Variants in OLA1 observed in about 807,000 individuals in gnomAD.
OLA1 encodes the protein obg-like ATPase 1.
A neutral mutation model predicts 48.4 loss-of-function variants in OLA1; 14 were observed. The observed-to-expected ratio is 0.29, with a 90% CI of 0.19 to 0.45. The LOEUF is 0.45. Ranked by LOEUF, OLA1 falls within the 20% of genes least tolerant of loss-of-function variation. OLA1 has a pLI of 1.00. For synonymous variants in OLA1, 127 were observed against 150.4 expected (o/e 0.84, Z 1.14); for missense variants, 325 against 467.1 (o/e 0.70, Z 2.80).
intron 4 of OLA1, among the ~76,000 whole-genome samples, chr2:174,222,683 T>C (rs1321922284): frequency 6.6e-6 from 1 of 152,196 alleles, no homozygotes; most frequent in African/African-American, 2.4e-5. Context: ...TTCTGCCTCC[T>C]TAACACACAG....
intron 4 of OLA1, among the ~76,000 whole-genome samples, chr2:174,148,348 C>CA (rs1171435140): frequency 6.6e-6 from 1 of 152,144 alleles, no homozygotes; most frequent in Non-Finnish European, 1.5e-5. Flanking sequence ...AAGACGGTGC[C>CA]ACTGTACTCC....
At chr2:174,097,085 A>G (rs1685273521) in intron 7 of OLA1, among the ~76,000 whole-genome samples, 1 of 152,072 alleles carries the variant, frequency 6.6e-6, no homozygotes, top group South Asian at 2.1e-4. Flanking sequence ...GAAACCGGAA[A>G]GCGAAGGTTG....
intron 4 of OLA1, among the ~76,000 whole-genome samples, chr2:174,213,021 A>G (rs1688278446): frequency 6.6e-6 from 1 of 152,232 alleles, no homozygotes; most frequent in Non-Finnish European, 1.5e-5. Context: ...CAGGCAGAAA[A>G]TTTAACTACA....
chr2:174,245,298 T>C (rs928983365), intron 2 of OLA1, among the ~76,000 whole-genome samples: 1 of 152,180 alleles, frequency 6.6e-6, no homozygotes, highest in Non-Finnish European at 1.5e-5. Flanking sequence ...CCCTTCAAAA[T>C]GAAAACCTCT....
chr2:174,178,184 T>A (rs1687459284), intron 4 of OLA1, among the ~76,000 whole-genome samples: 1 of 152,010 alleles, frequency 6.6e-6, no homozygotes, highest in African/African-American at 2.4e-5. Context: ...ATGTAATAAT[T>A]TCATTAATGT....
At chr2:174,163,719 T>A (rs189695824) in intron 4 of OLA1, among the ~76,000 whole-genome samples, 3,852 of 13,024 alleles carry the variant, frequency 0.3, 560 homozygotes, top group East Asian at 0.56. Flanking sequence ...TAAATATATA[T>A]ATATATATAT....
chr2:174,197,432 G>T (rs1030167413), intron 4 of OLA1, among the ~76,000 whole-genome samples: 1 of 148,590 alleles, frequency 6.7e-6, no homozygotes, highest in South Asian at 2.1e-4. Context: ...TTGGTTTGTT[G>T]TTTTTTTTTT....
At chr2:174,143,590 C>T (rs192183650) in intron 4 of OLA1, among the ~76,000 whole-genome samples, 3 of 152,268 alleles carry the variant, frequency 2.0e-5, no homozygotes, top group Admixed American at 6.5e-5. Context: ...GTGATGTCCT[C>T]AACAACATCC....
chr2:174,166,268 T>C (rs543745775), intron 4 of OLA1, among the ~76,000 whole-genome samples: 2 of 152,272 alleles, frequency 1.3e-5, no homozygotes, highest in South Asian at 4.1e-4. Context: ...GCCAAAGTAT[T>C]TACAAGTGGG....
chr2:174,115,007 G>A (rs191996064), intron 7 of OLA1, among the ~76,000 whole-genome samples: 4 of 152,016 alleles, frequency 2.6e-5, no homozygotes, highest in South Asian at 2.1e-4. Context: ...GCCTGCGCCC[G>A]TCAGGGAGGT....
intron 4 of OLA1, among the ~76,000 whole-genome samples, chr2:174,180,642 G>T (rs1285668741): frequency 6.6e-6 from 1 of 152,170 alleles, no homozygotes; most frequent in African/African-American, 2.4e-5. Context: ...CTGTCCTGTG[G>T]ACACAAAACT....
intron 7 of OLA1, among the ~76,000 whole-genome samples, chr2:174,089,976 T>C (rs1400281379): frequency 6.6e-6 from 1 of 151,644 alleles, no homozygotes; most frequent in African/African-American, 2.4e-5. Context: ...GAAACATCTG[T>C]AGTAAGTTAG....
intron 7 of OLA1, among the ~76,000 whole-genome samples, chr2:174,120,341 C>T (rs1028072694): frequency 3.9e-5 from 6 of 152,090 alleles, no homozygotes; most frequent in Non-Finnish European, 5.9e-5. Flanking sequence ...TTATAAGTAA[C>T]AGCTGATCGT....
At chr2:174,241,401 C>A (rs189143514) in intron 2 of OLA1, among the ~76,000 whole-genome samples, 1 of 152,100 alleles carries the variant, frequency 6.6e-6, no homozygotes, top group Admixed American at 6.5e-5. Context: ...GTGATTTTTT[C>A]TTTTTTTTAG....
intron 7 of OLA1, among the ~76,000 whole-genome samples, chr2:174,098,786 G>T (rs888878934): frequency 6.6e-6 from 1 of 152,178 alleles, no homozygotes; most frequent in African/African-American, 2.4e-5. Context: ...CAAGGTAAAT[G>T]CTCAACATGT....
chr2:174,183,630 C>A (rs1229959181), intron 4 of OLA1, among the ~76,000 whole-genome samples: 1 of 152,150 alleles, frequency 6.6e-6, no homozygotes, highest in Non-Finnish European at 1.5e-5. Context: ...TGTAAGAGGA[C>A]AAAAGCAAGC....
chr2:174,200,838 C>G (rs1328507653), intron 4 of OLA1, among the ~76,000 whole-genome samples: 1 of 152,124 alleles, frequency 6.6e-6, no homozygotes, highest in Non-Finnish European at 1.5e-5. Context: ...ATGGAATCCT[C>G]ATTTGGTAAA....
intron 4 of OLA1, among the ~76,000 whole-genome samples, chr2:174,198,742 C>T (rs972184768): frequency 5.9e-5 from 9 of 152,172 alleles, no homozygotes; most frequent in African/African-American, 2.2e-4. Flanking sequence ...GATCACACCA[C>T]TACACTCCAG....
intron 7 of OLA1, among the ~76,000 whole-genome samples, chr2:174,094,164 T>C (rs1056392042): frequency 6.6e-6 from 1 of 152,210 alleles, no homozygotes; most frequent in Non-Finnish European, 1.5e-5. Flanking sequence ...AGAGTCTTTC[T>C]GAGACTGGCT....
Sources: allele counts gnomAD v4.1 joint callset (sites outside exome capture counted in the v4.1 genomes callset), GRCh38; gene constraint gnomAD v4.1.1; transcripts MANE v1.5; gene names NCBI Gene and HGNC (gene_info 2026-07-23, HGNC 2026-07-21).